GRIN2A: variants seen among roughly 807,000 people sequenced by gnomAD.
GRIN2A encodes the protein glutamate ionotropic receptor NMDA type subunit 2A.
A neutral mutation model predicts 113.4 loss-of-function variants in GRIN2A; 22 were observed. The observed-to-expected ratio is 0.19, with a 90% CI of 0.14 to 0.28. The LOEUF is 0.28. Ranked by LOEUF, GRIN2A falls within the 10% of genes least tolerant of loss-of-function variation. The probability of loss-of-function intolerance (pLI) is 1.00; values close to 1 mark genes in which losing one functional copy is unlikely to be tolerated. For synonymous variants in GRIN2A, 827 were observed against 738.4 expected (o/e 1.12, Z -1.94); for missense variants, 1,502 against 1,887.0 (o/e 0.80, Z 3.78).
rs1567267791 is a variant in GRIN2A at position 9,755,149 on chromosome 16, G to A, written c.*8000C>T. On this transcript the variant is annotated 3_prime_UTR_variant, in exon 13 of 13. Coordinates refer to ENST00000330684, the MANE Select transcript of GRIN2A (RefSeq NM_001134407.3). Reference sequence around the variant, plus strand: ...CTGACATAGTAAGTAAGAGAATTATGAGTGATAATCTCAGTTTTGTCTTCT... The same window carrying A: ...CTGACATAGTAAGTAAGAGAATTATAAGTGATAATCTCAGTTTTGTCTTCT... The A allele has an allele frequency of 5.1e-6, 1 of 195,110 alleles. No homozygotes were observed. The highest frequency in any genetic ancestry group is 6.1e-5 in the Admixed American group (1 of 16,422). The allele number at this position is 195,110 out of a possible 1,614,324, so 12.1% of individuals were successfully genotyped here. A position where few individuals can be genotyped will look rare whatever the true frequency, so the allele number is the denominator to read the frequency against.
At chr16:10,155,455 T>G (rs1379546753) in intron 2 of GRIN2A, among the ~76,000 whole-genome samples, 1 of 152,220 alleles carries the variant, frequency 6.6e-6, no homozygotes, top group Non-Finnish European at 1.5e-5. Context: ...GCCTCATATT[T>G]CACATCTGTA....
At chr16:9,807,381 G>A (rs1369277155) in intron 10 of GRIN2A, among the ~76,000 whole-genome samples, 23 of 75,806 alleles carry the variant, frequency 3.0e-4, no homozygotes, top group Non-Finnish European at 5.8e-4. Context: ...AGGGAGAGGG[G>A]GAGGGAGAGA....
chr16:9,859,561 A>G (rs1458143678), intron 4 of GRIN2A, among the ~76,000 whole-genome samples: 1 of 151,512 alleles, frequency 6.6e-6, no homozygotes, highest in Non-Finnish European at 1.5e-5. Context: ...CCACACGTAC[A>G]ACTACAAATA....
intron 3 of GRIN2A, among the ~76,000 whole-genome samples, chr16:9,906,905 C>T (rs1267129009): frequency 1.3e-5 from 2 of 152,188 alleles, no homozygotes; most frequent in Non-Finnish European, 2.9e-5. Flanking sequence ...TGCAGTGGCA[C>T]AATCACAGCT....
chr16:9,843,870 T>G (rs1003867117), intron 5 of GRIN2A, among the ~76,000 whole-genome samples: 3 of 152,076 alleles, frequency 2.0e-5, no homozygotes, highest in Admixed American at 6.5e-5. Context: ...TGGGCTAGAG[T>G]TAAAACTGCC....
intron 11 of GRIN2A, among the ~76,000 whole-genome samples, chr16:9,773,489 A>G (rs961900045): frequency 2.0e-5 from 3 of 152,214 alleles, no homozygotes; most frequent in Admixed American, 1.3e-4. Context: ...AAATGGGGCA[A>G]TTAAATCTCT....
intron 2 of GRIN2A, among the ~76,000 whole-genome samples, chr16:10,091,558 T>C (rs1270806990): frequency 6.6e-6 from 1 of 151,434 alleles, no homozygotes; most frequent in Non-Finnish European, 1.5e-5. Flanking sequence ...GAGGCTGAGG[T>C]GGGAGGATTG....
chr16:10,159,317 C>A lies in GRIN2A; in HGVS notation c.414+20681G>T, dbSNP rs1163478234. On this transcript the variant is annotated intron_variant, in intron 2 of 12. Transcript: ENST00000330684. ...ATGAATCAAAGAGGACAGGCCTGGGCAGGTTCAGTATGAGGCACCCATGGC... is the reference window on the plus strand; with the variant it reads ...ATGAATCAAAGAGGACAGGCCTGGGAAGGTTCAGTATGAGGCACCCATGGC... Among the ~76,000 whole-genome samples the A allele has an allele frequency of 3.9e-5, 6 of 152,232 alleles. No homozygotes were observed. In the East Asian group the frequency reaches 9.7e-4, roughly 24 times the overall value.
chr16:9,769,658 G>A (rs1265918613), intron 11 of GRIN2A, among the ~76,000 whole-genome samples: 1 of 151,886 alleles, frequency 6.6e-6, no homozygotes, highest in African/African-American at 2.4e-5. Context: ...TGTGAAATAG[G>A]CATAATAATA....
At chr16:9,973,395 C>G (rs764248739) in intron 2 of GRIN2A, among the ~76,000 whole-genome samples, 1 of 152,128 alleles carries the variant, frequency 6.6e-6, no homozygotes, top group African/African-American at 2.4e-5. Flanking sequence ...AGGTTAGAAG[C>G]AAGATGAAGT....
At position 9,762,359 on chromosome 16, in the gene GRIN2A, A is replaced by G. The variant is rs1900622637; in HGVS notation, c.*790T>C. On this transcript the variant is annotated 3_prime_UTR_variant, in exon 13 of 13. Transcript: ENST00000330684. ...CCACACTTAGATCTCGGAGACATAA[A>G]TGTGTTAGTTTATGCAGCTCTGAAC... 8.8e-6 allele frequency: 2 copies of G among 226,448 alleles called. No individual in the cohort carries two copies. Among genetic ancestry groups the G allele is most frequent in the South Asian group, 1.8e-4 (1 of 5,480 alleles). The allele number at this position is 226,448 out of a possible 1,614,324, so 14.0% of individuals were successfully genotyped here. A position where few individuals can be genotyped will look rare whatever the true frequency, so the allele number is the denominator to read the frequency against.
chr16:9,993,610 T>G (rs768876521), intron 2 of GRIN2A, among the ~76,000 whole-genome samples: 10 of 152,146 alleles, frequency 6.6e-5, no homozygotes, highest in Non-Finnish European at 1.0e-4. Context: ...TCCCTAAAAA[T>G]TGAGGCTCTT....
chr16:10,048,451 AACT>A (rs2047296992), intron 2 of GRIN2A, among the ~76,000 whole-genome samples: 3 of 152,230 alleles, frequency 2.0e-5, no homozygotes, highest in Admixed American at 6.5e-5. Context: ...GCAAAAAGAA[AACT>A]TCTATTTGCC....
At chr16:9,970,801 A>G (rs940189231) in intron 2 of GRIN2A, 5 of 789,862 alleles carry the variant, frequency 6.3e-6, no homozygotes, top group Non-Finnish European at 4.6e-6. Flanking sequence ...TATATCAAAT[A>G]TAGTTCCTTC....
chr16:9,833,219 C>T (rs2042527751), intron 8 of GRIN2A, among the ~76,000 whole-genome samples: 1 of 152,158 alleles, frequency 6.6e-6, no homozygotes, highest in South Asian at 2.1e-4. Context: ...CGAATGCCTC[C>T]CAATTTTATT....
At chr16:9,845,712 T>C (rs2042760414) in intron 5 of GRIN2A, among the ~76,000 whole-genome samples, 1 of 152,194 alleles carries the variant, frequency 6.6e-6, no homozygotes, top group Non-Finnish European at 1.5e-5. Flanking sequence ...TGCCCAGATA[T>C]TCACATGTCT....
chr16:9,761,212 A>G lies in GRIN2A; in HGVS notation c.*1937T>C, dbSNP rs958379215. ...GGTGTACTTTCCCAAAGATGGAGCT[A>G]TTCCATGCATCCTTGAGCTTTAAGG... On this transcript the variant is annotated 3_prime_UTR_variant, in exon 13 of 13. Coordinates refer to ENST00000330684, the MANE Select transcript of GRIN2A (RefSeq NM_001134407.3). 8.6e-6 allele frequency: 2 copies of G among 231,684 alleles called. No individual in the cohort carries two copies. The highest frequency in any genetic ancestry group is 1.2e-4 in the East Asian group (2 of 16,406). The allele number at this position is 231,684 out of a possible 1,614,324, so 14.4% of individuals were successfully genotyped here. A position where few individuals can be genotyped will look rare whatever the true frequency, so the allele number is the denominator to read the frequency against.
chr16:9,820,005 C>A lies in GRIN2A; in HGVS notation c.2168+2259G>T, dbSNP rs1488704447. Among the ~76,000 whole-genome samples, 3 of 151,550 alleles carry A rather than the reference C, an allele frequency of 2.0e-5. No individual in the cohort carries two copies. The East Asian group carries it at 5.8e-4, about 29-fold the overall frequency. ...GTTTAAAGTAACAATGCAAAGCATC[C>A]CCCACATGGGAGATTGAGTATAGAA... On this transcript the variant is annotated intron_variant, in intron 10 of 12. Coordinates refer to ENST00000330684, the MANE Select transcript of GRIN2A (RefSeq NM_001134407.3).
intron 4 of GRIN2A, among the ~76,000 whole-genome samples, chr16:9,873,898 C>A (rs543527802): frequency 6.6e-6 from 1 of 152,166 alleles, no homozygotes; most frequent in Non-Finnish European, 1.5e-5. Context: ...GAGGCCAGCA[C>A]GGTAGGAATC....
Sources: allele counts gnomAD v4.1 joint callset (sites outside exome capture counted in the v4.1 genomes callset), GRCh38; gene constraint gnomAD v4.1.1; transcripts MANE v1.5; gene names NCBI Gene and HGNC (gene_info 2026-07-23, HGNC 2026-07-21).